Variants in CCDC7 observed in about 807,000 individuals in gnomAD.
The protein encoded by CCDC7 is coiled-coil domain-containing protein 7.
A neutral mutation model predicts 196.9 loss-of-function variants in CCDC7; 183 were observed. The ratio of observed to expected loss-of-function variants is 0.93; its 90% CI spans 0.82 to 1.05. CCDC7 has a LOEUF of 1.05. CCDC7 is among the 50% of genes least tolerant of loss of function. The pLI is 0.00. For synonymous variants in CCDC7, 525 were observed against 484.6 expected (o/e 1.08, Z -1.10); for missense variants, 1,540 against 1,482.2 (o/e 1.04, Z -0.64).
At chr10:32,691,112 A>T (rs564061146) in intron 23 of CCDC7, among the ~76,000 whole-genome samples, 7 of 152,312 alleles carry the variant, frequency 4.6e-5, no homozygotes, top group Non-Finnish European at 1.0e-4. Context: ...ACCACTGGTA[A>T]CATGGGGATC....
chr10:32,562,192 A>G lies in CCDC7; in HGVS notation c.1135-3366A>G, dbSNP rs542868634. On this transcript the variant is annotated intron_variant, in intron 13 of 41. Coordinates refer to ENST00000639629, the Ensembl canonical transcript of CCDC7. ...CCAACCAAAAAGAGTCCAGGACCAG[A>G]TGGATTCACAGCCGAATTCTACCAG... Among the ~76,000 whole-genome samples the G allele has an allele frequency of 7.9e-5, 12 of 152,308 alleles. No homozygotes were observed. The East Asian group carries it at 1.5e-3, about 20-fold the overall frequency.
chr10:32,684,466 T>C (rs2076237530), intron 21 of CCDC7, among the ~76,000 whole-genome samples: 1 of 152,192 alleles, frequency 6.6e-6, no homozygotes, highest in African/African-American at 2.4e-5. Flanking sequence ...CACTCACTCT[T>C]TCCCCATGGT....
intron 32 of CCDC7, among the ~76,000 whole-genome samples, chr10:32,834,327 A>G (rs920127564): frequency 6.6e-6 from 1 of 152,090 alleles, no homozygotes; most frequent in African/African-American, 2.4e-5. Context: ...CTGTGACTAT[A>G]AAGACCATAG....
At chr10:32,627,199 T>C (rs575975658) in intron 18 of CCDC7, among the ~76,000 whole-genome samples, 31 of 151,968 alleles carry the variant, frequency 2.0e-4, no homozygotes, top group Non-Finnish European at 4.1e-4. Context: ...GTCTTCAATT[T>C]CTTTCATCAA....
intron 20 of CCDC7, among the ~76,000 whole-genome samples, chr10:32,637,368 A>C (rs1005350281): frequency 2.2e-4 from 33 of 152,316 alleles, no homozygotes; most frequent in Admixed American, 2.2e-3. Flanking sequence ...TTTAGGTCTA[A>C]TGTTTAAGTA....
At position 32,676,695 on chromosome 10, in the gene CCDC7, G is replaced by A. The variant is rs895724068; in HGVS notation, c.2123-9275G>A. 4.4e-4 allele frequency among the ~76,000 whole-genome samples: 67 copies of A among 151,678 alleles called. 1 individual carries two copies. The highest frequency in any genetic ancestry group is 1.4e-3 in the Admixed American group (22 of 15,232). On this transcript the variant is annotated intron_variant, in intron 21 of 41. Coordinates refer to ENST00000639629, the Ensembl canonical transcript of CCDC7. ...ATACCATCTCACACCAGTTAGAATG[G>A]CAATCATTAAAAAGTCAGGAAACAA...
chr10:32,504,439 CTTCT>C (rs2044569117), intron 9 of CCDC7, among the ~76,000 whole-genome samples: 3 of 152,044 alleles, frequency 2.0e-5, no homozygotes, highest in Admixed American at 6.6e-5. Flanking sequence ...AATTTTCTTC[CTTCT>C]ATGAACTATT....
chr10:32,689,623 C>T (rs72782256), intron 23 of CCDC7, among the ~76,000 whole-genome samples: 16,048 of 152,122 alleles, frequency 0.11, 1,041 homozygotes, highest in South Asian at 0.25. Flanking sequence ...GGTCATGGCC[C>T]CACTGAAATG....
At chr10:32,476,921 A>T (rs2039078364) in intron 8 of CCDC7, among the ~76,000 whole-genome samples, 1 of 152,140 alleles carries the variant, frequency 6.6e-6, no homozygotes, top group East Asian at 1.9e-4. Context: ...CTTATTGTTG[A>T]GTTTTAAGAG....
intron 18 of CCDC7, among the ~76,000 whole-genome samples, chr10:32,593,126 T>C (rs2059950204): frequency 6.6e-6 from 1 of 152,242 alleles, no homozygotes; most frequent in African/African-American, 2.4e-5. Context: ...ATCGCCACAC[T>C]GTCTTTCACA....
chr10:32,539,452 T>C (rs1456398282), intron 11 of CCDC7, among the ~76,000 whole-genome samples: 1 of 152,188 alleles, frequency 6.6e-6, no homozygotes, highest in Non-Finnish European at 1.5e-5. Context: ...GTCTATCTTA[T>C]TATTTTTTTT....
intron 32 of CCDC7, among the ~76,000 whole-genome samples, chr10:32,828,083 C>T (rs2091418198): frequency 6.6e-6 from 1 of 152,174 alleles, no homozygotes; most frequent in African/African-American, 2.4e-5. Context: ...TTTCTTTCCA[C>T]TGACTTCAAG....
rs1037729531 is a variant in CCDC7 at position 32,764,425 on chromosome 10, C to T, written c.2906-14552C>T. On this transcript the variant is annotated intron_variant, in intron 28 of 41. Transcript: ENST00000639629. ...TGAAAAGAACAAAGTTAGATCACAC[C>T]AAATTTATTGATATGGTATAATTTA... is the stretch of plus-strand genomic sequence containing the variant. Among the ~76,000 whole-genome samples the T allele has an allele frequency of 3.3e-5, 5 of 151,146 alleles. No homozygotes were observed. The East Asian group carries it at 9.7e-4, about 29-fold the overall frequency.
chr10:32,569,616 C>T (rs11595877), intron 15 of CCDC7, among the ~76,000 whole-genome samples: 12,580 of 151,856 alleles, frequency 0.083, 567 homozygotes, highest in East Asian at 0.16. Flanking sequence ...TTAGTAGAGA[C>T]GGAGTTTCAC....
At position 32,616,449 on chromosome 10, in the gene CCDC7, G is replaced by A. The variant is rs148344459; in HGVS notation, c.1802-17805G>A. ...TGAATGGGAATGCCTTCTTGATTTGGTCCTTGACTAAGTCATTATCAGTGT... is the reference window on the plus strand; with the variant it reads ...TGAATGGGAATGCCTTCTTGATTTGATCCTTGACTAAGTCATTATCAGTGT... On this transcript the variant is annotated intron_variant, in intron 18 of 41. Transcript: ENST00000639629. 3.6e-3 allele frequency among the ~76,000 whole-genome samples: 539 copies of A among 151,412 alleles called. 3 individuals are homozygous for A. The highest frequency in any genetic ancestry group is 0.024 in the Middle Eastern group (7 of 288).
chr10:32,585,945 G>T (rs551231444), intron 18 of CCDC7, among the ~76,000 whole-genome samples: 1 of 152,176 alleles, frequency 6.6e-6, no homozygotes, highest in South Asian at 2.1e-4. Context: ...TTGAGGAATC[G>T]CCACACTGTC....
chr10:32,640,176 A>G (rs528348013), intron 20 of CCDC7, among the ~76,000 whole-genome samples: 53 of 152,214 alleles, frequency 3.5e-4, no homozygotes, highest in African/African-American at 1.1e-3. Context: ...GTGGGAGTCT[A>G]AGTCTCTTTC....
chr10:32,682,623 A>G (rs2075996624), intron 21 of CCDC7, among the ~76,000 whole-genome samples: 1 of 152,218 alleles, frequency 6.6e-6, no homozygotes, highest in Non-Finnish European at 1.5e-5. Context: ...CAATGTATAA[A>G]GCCTTCCTTT....
At chr10:32,840,896 C>G (rs558752451) in intron 33 of CCDC7, among the ~76,000 whole-genome samples, 34 of 151,996 alleles carry the variant, frequency 2.2e-4, no homozygotes, top group Admixed American at 3.9e-4. Flanking sequence ...GAATTAAAGA[C>G]AACAATCACA....
Sources: allele counts gnomAD v4.1 joint callset (sites outside exome capture counted in the v4.1 genomes callset), GRCh38; gene constraint gnomAD v4.1.1; transcripts MANE v1.5; gene names NCBI Gene and HGNC (gene_info 2026-07-23, HGNC 2026-07-21).